Variants in EPG5 observed in about 807,000 individuals in gnomAD.
EPG5 encodes ectopic P granules protein 5 homolog.
EPG5 carries 159 observed loss-of-function variants against 302.7 expected under a neutral mutation model. That is an observed-to-expected ratio of 0.53 (90% confidence interval 0.46 to 0.60). The LOEUF (loss-of-function observed/expected upper bound fraction) is 0.60, where lower values mean the gene tolerates loss of function less well. Ranked by LOEUF, EPG5 falls within the 20% of genes least tolerant of loss-of-function variation. The probability of loss-of-function intolerance (pLI) is 0.00; values close to 1 mark genes in which losing one functional copy is unlikely to be tolerated. For synonymous variants in EPG5, 1,158 were observed against 1,136.8 expected, an observed-to-expected ratio of 1.02 and a Z score of -0.37; for missense variants, 2,896 against 3,092.4, an observed-to-expected ratio of 0.94 and a Z score of 1.51.
intron 16 of EPG5, among the ~76,000 whole-genome samples, chr18:45,919,755 G>A (rs533389647): frequency 1.5e-4 from 22 of 151,664 alleles, no homozygotes; most frequent in African/African-American, 4.1e-4. Context: ...CTCGTGATCC[G>A]CCCGCCTCGG....
intron 27 of EPG5, among the ~76,000 whole-genome samples, chr18:45,891,592 T>C (rs995652256): frequency 6.6e-6 from 1 of 150,548 alleles, no homozygotes; most frequent in Non-Finnish European, 1.5e-5. Flanking sequence ...ACTCTGACAA[T>C]ACACTGAGCA....
intron 9 of EPG5, among the ~76,000 whole-genome samples, chr18:45,940,781 GCA>G: frequency 6.6e-6 from 1 of 152,162 alleles, no homozygotes; most frequent in South Asian, 2.1e-4. Context: ...GATAAAATTT[GCA>G]GTTAGATTGA....
chr18:45,887,389 T>A (rs1442934827), intron 29 of EPG5, among the ~76,000 whole-genome samples: 1 of 152,152 alleles, frequency 6.6e-6, no homozygotes, highest in Non-Finnish European at 1.5e-5. Context: ...AGTTTTCTCA[T>A]CTTTAAGAAG....
intron 1 of EPG5, among the ~76,000 whole-genome samples, chr18:45,960,533 C>G (rs578015633): frequency 6.6e-6 from 1 of 151,058 alleles, no homozygotes; most frequent in Non-Finnish European, 1.5e-5. Flanking sequence ...GATTAAAAAA[C>G]GATTTTAAAG....
rs188870057 is a variant in EPG5, at chr18:45,912,096, C to T, written c.3983+194G>A. On this transcript the variant is annotated intron_variant, in intron 22 of 43. Transcript: ENST00000282041. ...GGTCATGGAAGATGGTAAAGAGAAG[C>T]TGCCACAAGACACCAGCAACTCAAT... Among the ~76,000 whole-genome samples, 71 of 152,264 alleles carry T rather than the reference C, an allele frequency of 4.7e-4. No homozygotes were observed. The East Asian group carries it at 0.012, about 25-fold the overall frequency.
At chr18:45,874,516 T>C (rs942359993) in intron 35 of EPG5, among the ~76,000 whole-genome samples, 5 of 152,118 alleles carry the variant, frequency 3.3e-5, no homozygotes, top group African/African-American at 1.2e-4. Context: ...GGCCTCACAA[T>C]CATGGTGGAA....
chr18:45,907,318 G>A (rs1041290522), intron 24 of EPG5: 1 of 152,140 alleles, frequency 6.6e-6, no homozygotes, highest in Non-Finnish European at 1.5e-5. Context: ...GAATAGAAGA[G>A]AATTATCTTC....
intron 24 of EPG5, among the ~76,000 whole-genome samples, chr18:45,905,760 A>C (rs193029260): frequency 8.5e-5 from 13 of 152,358 alleles, no homozygotes; most frequent in African/African-American, 2.4e-4. Context: ...GCAAGCAATT[A>C]ATTCTGTTGA....
the EPG5 span, among the ~76,000 whole-genome samples, chr18:45,804,043 A>G: frequency 3.9e-5 from 6 of 152,328 alleles, no homozygotes; most frequent in South Asian, 1.0e-3. Flanking sequence ...ACTAAATGAC[A>G]TAAGGAAAAA....
intron 12 of EPG5, among the ~76,000 whole-genome samples, chr18:45,930,091 T>G (rs115239480): frequency 1.3e-5 from 2 of 152,160 alleles, no homozygotes; most frequent in African/African-American, 4.8e-5. Context: ...AGTCCCTAGA[T>G]GCTCAGGGGT....
chr18:45,858,790 C>T lies in EPG5; in HGVS notation c.7010-8G>A, dbSNP rs1334066069. ...AATTCTGATTGAGAGGGCCTAAGAA[C>T]ATGAAGAAGAGACATCAAGATATAG... On this transcript the variant is annotated splice_polypyrimidine_tract_variant and splice_region_variant and intron_variant, in intron 40 of 43. Transcript: ENST00000282041. The T allele has an allele frequency of 1.3e-6, 2 of 1,598,596 alleles. No individual in the cohort carries two copies. Among genetic ancestry groups the T allele is most frequent in the African/African-American group, 1.3e-5 (1 of 74,574 alleles).
At chr18:45,854,886 T>C (rs1185223652) in intron 43 of EPG5, among the ~76,000 whole-genome samples, 4 of 152,208 alleles carry the variant, frequency 2.6e-5, no homozygotes, top group South Asian at 4.1e-4. Context: ...TTCTGTGCTA[T>C]AGCATTGCTA....
At chr18:45,838,474 G>A in the EPG5 span, 1 of 565,210 alleles carries the variant, frequency 1.8e-6, no homozygotes, top group Non-Finnish European at 3.0e-6. Flanking sequence ...GCATGAATTT[G>A]CCAAATCTTT....
rs556633340 is a variant in EPG5 at position 45,883,491 on chromosome 18, C to T, written c.5305-1004G>A. On this transcript the variant is annotated intron_variant, in intron 30 of 43. Transcript: ENST00000282041. ...TTTTTTTTTTTTTCACAACAGGTCT[C>T]ACTCCATCACCCAGGTTGGAGTGCA... 1.5e-4 allele frequency among the ~76,000 whole-genome samples: 22 copies of T among 146,450 alleles called. No homozygotes were observed. The South Asian group carries it at 4.6e-3, about 30-fold the overall frequency.
chr18:45,866,384 G>T (rs1281257668), intron 38 of EPG5, among the ~76,000 whole-genome samples: 1 of 152,172 alleles, frequency 6.6e-6, no homozygotes, highest in East Asian at 1.9e-4. Context: ...GCCTCCTAAA[G>T]TGCTGGGATT....
intron 32 of EPG5, 33 bp downstream of exon 32, chr18:45,880,042 G>A (rs376895006): frequency 1.3e-6 from 2 of 1,507,272 alleles, no homozygotes; most frequent in African/African-American, 2.8e-5. Flanking sequence ...AAAAAGAAAT[G>A]CACAAACACG....
At chr18:45,914,534 G>A (rs935913865) in intron 20 of EPG5, among the ~76,000 whole-genome samples, 3 of 152,204 alleles carry the variant, frequency 2.0e-5, no homozygotes, top group African/African-American at 7.2e-5. Context: ...AATAACAATG[G>A]CCAACACTCA....
the EPG5 span, chr18:45,840,321 G>A: frequency 6.7e-7 from 1 of 1,486,330 alleles, no homozygotes; most frequent in Non-Finnish European, 9.2e-7. Context: ...GCAGGAGAAG[G>A]AATAAATGGC....
At chr18:45,965,384 A>G (rs2051226627) in intron 1 of EPG5, among the ~76,000 whole-genome samples, 3 of 152,236 alleles carry the variant, frequency 2.0e-5, no homozygotes, top group African/African-American at 4.8e-5. Context: ...TAATCTGCAC[A>G]CTAAACCACC....
Sources: gnomAD v4.1 joint callset for allele counts (sites outside exome capture counted in the v4.1 genomes callset) on GRCh38, gnomAD v4.1.1 for gene constraint, MANE v1.5 for transcripts, NCBI Gene and HGNC (gene_info 2026-07-23, HGNC 2026-07-21) for gene names.